ADGRG4: variants seen among roughly 807,000 people sequenced by gnomAD.
ADGRG4 encodes adhesion G protein-coupled receptor G4.
In ADGRG4, 122 loss-of-function variants were observed where a neutral mutation model predicts 126.2. The observed-to-expected ratio is 0.97, with a 90% CI of 0.83 to 1.12. The LOEUF (loss-of-function observed/expected upper bound fraction) is 1.12, where lower values mean the gene tolerates loss of function less well. Among genes scored for constraint, ADGRG4 ranks in the 50% most tolerant of loss-of-function variants. The pLI is 0.00. For missense variants in ADGRG4, 2,481 were observed against 2,251.8 expected, an observed-to-expected ratio of 1.10 and a Z score of -2.06; for synonymous variants, 943 against 838.7, an observed-to-expected ratio of 1.12 and a Z score of -2.15.
intron 13 of ADGRG4, among the ~76,000 whole-genome samples, chrX:136,367,092 A>C (rs2075163466): frequency 1.8e-5 from 2 of 111,735 alleles, no homozygotes; most frequent in Admixed American, 1.9e-4. Context: ...CCAGACATTG[A>C]ATCTGTTCTT....
chrX:136,402,880 G>C (rs1257621994), intron 21 of ADGRG4, among the ~76,000 whole-genome samples: 2 of 111,885 alleles, frequency 1.8e-5, no homozygotes, highest in Non-Finnish European at 3.8e-5. Flanking sequence ...ACAAAGGGGC[G>C]ATGTGAAAGG....
At chrX:136,334,102 TTC>T (rs1427521446) in intron 5 of ADGRG4, among the ~76,000 whole-genome samples, 1 of 33,939 alleles carries the variant, frequency 2.9e-5, no homozygotes, top group African/African-American at 1.4e-4. Flanking sequence ...CTTTCTTTCT[TTC>T]TTTCTTTCTT....
In ADGRG4 at chrX:136,347,418, C is replaced by T. The variant is rs377028258; in HGVS notation, c.3712C>T (p.Arg1238Cys). Residue 1238 changes from arginine (R) to cysteine (C), a missense_variant, in exon 6 of 26, where the codon CGT (arginine) becomes TGT (cysteine). Arg to Cys is a radical substitution (Grantham distance 180). Transcript: ENST00000394143. ...NSHISSSATYRVHTPVSIQLV... is the reference protein window; with the variant it reads ...NSHISSSATYCVHTPVSIQLV... ...TCACATTTCTTCATCTGCCACATAT[C>T]GTGTACACACACCAGTGTCCATCCA... 28 of 1,208,323 alleles carry T rather than the reference C, an allele frequency of 2.3e-5. No homozygotes were observed. The East Asian group carries it at 5.3e-4, about 23-fold the overall frequency.
intron 22 of ADGRG4, 90 bp downstream of exon 22, chrX:136,403,412 C>A: frequency 1.4e-6 from 1 of 697,344 alleles, no homozygotes; most frequent in Non-Finnish European, 2.2e-6. Context: ...TGGTCTTGAC[C>A]CTTGGCTTCA....
At chrX:136,373,493 C>T (rs1322085117) in intron 15 of ADGRG4, among the ~76,000 whole-genome samples, 1 of 111,854 alleles carries the variant, frequency 8.9e-6, no homozygotes, top group Non-Finnish European at 1.9e-5. Flanking sequence ...CATATCATAC[C>T]ACCTTAGCCT....
In ADGRG4 at chrX:136,314,082, T is replaced by C. The variant is rs2074790729; in HGVS notation, c.70+5235T>C. ...TCCTAAATCTGACCGTTTTCTTTTC[T>C]TTTCTTCTCTCTCTCTCTTTTTAAA... On this transcript the variant is annotated intron_variant, in intron 4 of 25. Transcript: ENST00000394143. 2.7e-5 allele frequency among the ~76,000 whole-genome samples: 3 copies of C among 110,965 alleles called. No homozygotes were observed. In the Admixed American group the frequency reaches 2.9e-4, roughly 11 times the overall value.
In ADGRG4 at chrX:136,344,743, C is replaced by T. The variant is rs1193295917; in HGVS notation, c.1037C>T (p.Pro346Leu). Residue 346 changes from proline to leucine, a missense_variant, in exon 6 of 26, where the codon CCA (proline) becomes CTA (leucine). Transcript: ENST00000394143. ...AATTCCATGAAAAAAACGAAATCTC[C>T]ATCTTCAGAAAGCACAAAGACAACA... ...TTNSMKKTKS[P>L]SSESTKTTKM... 1 of 1,209,883 alleles carries T rather than the reference C, an allele frequency of 8.3e-7. No individual in the cohort carries two copies. Among genetic ancestry groups the T allele is most frequent in the African/African-American group, 1.7e-5 (1 of 57,746 alleles).
In ADGRG4 at chrX:136,392,315, C is replaced by A; in HGVS notation, c.7995C>A (p.Asp2665Glu). ...SDDMFIQNLA[D>E]PVVITLQHIG... is the part of the protein sequence containing the mutation. ...ATATGTTCATTCAAAACTTAGCTGA[C>A]CCAGTGGTTATCACTCTGCAGCATA... Residue 2665 changes from aspartate (D) to glutamate (E), a missense_variant, in exon 17 of 26, where the codon GAC becomes GAA. Coordinates refer to ENST00000394143, the MANE Select transcript of ADGRG4 (RefSeq NM_153834.4). The A allele has an allele frequency of 8.4e-7, 1 of 1,185,850 alleles. No individual in the cohort carries two copies. The highest frequency in any genetic ancestry group is 1.1e-6 in the Non-Finnish European group (1 of 878,700).
intron 17 of ADGRG4, 110 bp from the exon 18 acceptor site, chrX:136,393,425 G>A (rs1009148410): frequency 3.9e-5 from 23 of 594,174 alleles, no homozygotes; most frequent in Non-Finnish European, 6.3e-5. Context: ...GTCAGTGTGT[G>A]CATGTTTACC....
intron 4 of ADGRG4, among the ~76,000 whole-genome samples, chrX:136,310,293 G>A (rs927610112): frequency 1.5e-4 from 17 of 110,096 alleles, no homozygotes; most frequent in African/African-American, 5.3e-4. Flanking sequence ...GATTACAGGC[G>A]TCTGCCACCA....
At chrX:136,399,810 A>C (rs79086694) in intron 20 of ADGRG4, 38 bp from the exon 21 acceptor site, 2 of 1,132,816 alleles carry the variant, frequency 1.8e-6, no homozygotes, top group Non-Finnish European at 2.4e-6. Context: ...AAAAAAAAAA[A>C]CAGACTTTAC....
Position 136,373,117 on chromosome X carries a change from CTTCA to C in ADGRG4, c.7776+60_7776+63del, listed in dbSNP as rs2075204832. The C allele has an allele frequency of 7.5e-6, 8 of 1,066,868 alleles. No individual in the cohort carries two copies. The South Asian group carries it at 1.1e-4, about 15-fold the overall frequency. 87.9% of individuals were successfully genotyped at this position (1,066,868 alleles called of 1,213,427 possible). On this transcript the variant is annotated intron_variant, in intron 15 of 25. Coordinates refer to ENST00000394143, the MANE Select transcript of ADGRG4 (RefSeq NM_153834.4). The stretch of plus-strand genomic sequence containing the variant: ...CAATCAGCCAAGCACTGTTTCAGGT[CTTCA>C]TTCATTTACTCCTTGGGAGAGAGAG...
rs571014106 is a variant in ADGRG4 at position 136,302,844 on chromosome X, A to G, written c.-253-1289A>G. The stretch of plus-strand genomic sequence containing the variant: ...ATTATCTCATTGATTTTATACAAAT[A>G]ATAGAGGTGGATACCATCATCACCA... On this transcript the variant is annotated intron_variant, in intron 1 of 25. Transcript: ENST00000394143. Among the ~76,000 whole-genome samples the G allele has an allele frequency of 2.7e-5, 3 of 112,255 alleles. No individual in the cohort carries two copies. In the South Asian group the frequency reaches 1.1e-3, roughly 42 times the overall value.
intron 4 of ADGRG4, among the ~76,000 whole-genome samples, chrX:136,320,490 A>G (rs1190073683): frequency 8.9e-6 from 1 of 112,517 alleles, no homozygotes; most frequent in African/African-American, 3.2e-5. Context: ...CAAGTAGGCA[A>G]AAATGGTGTC....
intron 16 of ADGRG4, among the ~76,000 whole-genome samples, chrX:136,389,149 T>A (rs1171200181): frequency 1.8e-5 from 2 of 111,964 alleles, no homozygotes; most frequent in Non-Finnish European, 3.8e-5. Flanking sequence ...CTAAATTCTA[T>A]GTGTTCCTGT....
intron 15 of ADGRG4, among the ~76,000 whole-genome samples, chrX:136,376,096 C>A (rs1312294232): frequency 9.0e-6 from 1 of 111,631 alleles, no homozygotes; most frequent in African/African-American, 3.3e-5. Context: ...GGATGGGGAT[C>A]CAGTTTCATT....
At chrX:136,361,612 G>A (rs367610762) in intron 12 of ADGRG4, 25 bp downstream of exon 12, 12 of 1,107,080 alleles carry the variant, frequency 1.1e-5, no homozygotes, top group Non-Finnish European at 1.2e-6. Flanking sequence ...AGTTCTAATT[G>A]CTGATTCAGA....
At chrX:136,381,179 A>C (rs519515) in intron 15 of ADGRG4, among the ~76,000 whole-genome samples, 38,761 of 110,656 alleles carry the variant, frequency 0.35, 5,114 homozygotes, top group Non-Finnish European at 0.4. Context: ...AAAATATTTT[A>C]TATTTTTTTT....
chrX:136,316,142 A>T (rs2074803527), intron 4 of ADGRG4, among the ~76,000 whole-genome samples: 1 of 111,854 alleles, frequency 8.9e-6, no homozygotes, highest in African/African-American at 3.3e-5. Context: ...AGAGGAAAGC[A>T]GGTTACCTCA....
Sources: allele counts gnomAD v4.1 joint callset (sites outside exome capture counted in the v4.1 genomes callset), GRCh38; gene constraint gnomAD v4.1.1; transcripts MANE v1.5; gene names NCBI Gene and HGNC (gene_info 2026-07-23, HGNC 2026-07-21).